Variants in UNC93A observed in about 807,000 individuals in gnomAD.
The protein encoded by UNC93A is unc-93 homolog A, also known as N-acetylglucosamine transporter UNC93A.
In UNC93A, 43 loss-of-function variants were observed where a neutral mutation model predicts 47.5. The ratio of observed to expected loss-of-function variants is 0.91; its 90% CI spans 0.71 to 1.17. The LOEUF (loss-of-function observed/expected upper bound fraction) is 1.17. Among genes scored for constraint, UNC93A ranks in the 50% most tolerant of loss-of-function variants. The pLI is 0.00. For missense variants in UNC93A, 605 were observed against 577.6 expected (o/e 1.05, Z -0.49); for synonymous variants, 280 against 258.0 (o/e 1.09, Z -0.82).
At chr6:167,284,570 T>C (rs1783689155) in intron 1 of UNC93A, among the ~76,000 whole-genome samples, 2 of 152,296 alleles carry the variant, frequency 1.3e-5, no homozygotes, top group South Asian at 4.1e-4. Flanking sequence ...CACACAGAGC[T>C]CACGTTGCCC....
chr6:167,307,666 G>A, intron 6 of UNC93A, 113 bp from the exon 7 acceptor site: 1 of 1,346,404 alleles, frequency 7.4e-7, no homozygotes, highest in Non-Finnish European at 1.0e-6. Context: ...GGTTCCAGAG[G>A]ACAGTTCCAG....
chr6:167,270,959 C>G (rs1317543935), upstream of UNC93A, among the ~76,000 whole-genome samples: 1 of 152,170 alleles, frequency 6.6e-6, no homozygotes, highest in Admixed American at 6.5e-5. Flanking sequence ...ATTCAGTTGT[C>G]CAGGAAGATA....
At chr6:167,308,159 A>T (rs1306279317) in intron 7 of UNC93A, among the ~76,000 whole-genome samples, 1 of 152,162 alleles carries the variant, frequency 6.6e-6, no homozygotes, top group Non-Finnish European at 1.5e-5. Context: ...CCTCAGGATG[A>T]TGTGGTTTTG....
intron 6 of UNC93A, among the ~76,000 whole-genome samples, chr6:167,306,881 A>G (rs370690938): frequency 6.6e-6 from 1 of 152,148 alleles, no homozygotes; most frequent in Non-Finnish European, 1.5e-5. Context: ...TTGAGCGTCA[A>G]TGGGCAGCCT....
intron 7 of UNC93A, among the ~76,000 whole-genome samples, chr6:167,309,115 A>G (rs1402820631): frequency 6.6e-6 from 1 of 152,066 alleles, no homozygotes; most frequent in Non-Finnish European, 1.5e-5. Flanking sequence ...AATCCCAGCT[A>G]CTCGGGAGGC....
intron 1 of UNC93A, 62 bp from the exon 2 acceptor site, chr6:167,294,455 G>A (rs1777989080): frequency 1.3e-6 from 2 of 1,579,172 alleles, no homozygotes; most frequent in East Asian, 2.3e-5. Flanking sequence ...CTGAGGACCT[G>A]CTGGTGCCTC....
chr6:167,279,717 G>A (rs981101241), intron 1 of UNC93A, among the ~76,000 whole-genome samples: 1 of 152,130 alleles, frequency 6.6e-6, no homozygotes, highest in Non-Finnish European at 1.5e-5. Context: ...ACAGAAAAAT[G>A]TGCGTATATT....
intron 1 of UNC93A, among the ~76,000 whole-genome samples, chr6:167,281,194 A>T (rs1251153384): frequency 6.6e-6 from 1 of 150,866 alleles, no homozygotes; most frequent in Non-Finnish European, 1.5e-5. Flanking sequence ...GCCCTAGAAG[A>T]TCATCCCACT....
At chr6:167,270,957 G>C (rs1197097980), upstream of UNC93A, among the ~76,000 whole-genome samples, 1 of 152,220 alleles carries the variant, frequency 6.6e-6, no homozygotes, top group Non-Finnish European at 1.5e-5. Flanking sequence ...GAATTCAGTT[G>C]TCCAGGAAGA....
intron 4 of UNC93A, chr6:167,298,353 T>C: frequency 4.1e-6 from 1 of 245,322 alleles, no homozygotes; most frequent in Non-Finnish European, 7.7e-6. Context: ...ACATCTTAAC[T>C]GATTAAAGTT....
At position 167,291,514 on chromosome 6, in the gene UNC93A, C is replaced by G; in HGVS notation, c.25C>G (p.Leu9Val). ...AATGGACAGAAGTCTAAGGAACGTC[C>G]TTGTGGTTTCCTTTGGGTTCCTGCT... MDRSLRNV[L>V]VVSFGFLLLF... The change falls in exon 1 of 8, where the codon CTT becomes GTT. Residue 9 changes from leucine (L) to valine (V), a missense_variant. Physicochemically the swap from Leu to Val is conservative, Grantham distance 32 (BLOSUM62 1). Coordinates refer to ENST00000230256, the MANE Select transcript of UNC93A (RefSeq NM_018974.4). The G allele has an allele frequency of 6.2e-7, 1 of 1,613,900 alleles. No homozygotes were observed. Among genetic ancestry groups the G allele is most frequent in the Non-Finnish European group, 8.5e-7 (1 of 1,179,896 alleles).
Position 167,312,472 on chromosome 6 carries a change from G to A in UNC93A, c.1109-2715G>A, listed in dbSNP as rs558611455. Among the ~76,000 whole-genome samples the A allele has an allele frequency of 1.4e-4, 22 of 152,276 alleles. No individual in the cohort carries two copies. The South Asian group carries it at 4.6e-3, about 32-fold the overall frequency. On this transcript the variant is annotated intron_variant, in intron 7 of 7. Coordinates refer to ENST00000230256, the MANE Select transcript of UNC93A (RefSeq NM_018974.4). ...TAAAAAACGCCTGTCCCTTCTCCCC[G>A]ATGTATTTATTACTCAATCATTGAT...
intron 1 of UNC93A, among the ~76,000 whole-genome samples, chr6:167,279,266 GAGAA>G (rs1449977621): frequency 2.0e-5 from 3 of 152,266 alleles, no homozygotes; most frequent in African/African-American, 7.2e-5. Flanking sequence ...GATAGATAGA[GAGAA>G]AGAGAGAGGG....
chr6:167,280,274 A>T (rs113547334), intron 1 of UNC93A, among the ~76,000 whole-genome samples: 5,894 of 152,244 alleles, frequency 0.039, 189 homozygotes, highest in African/African-American at 0.076. Flanking sequence ...GGTGCCTTCA[A>T]ATCCTTTGTA....
At chr6:167,307,016 C>G (rs1209154770) in intron 6 of UNC93A, among the ~76,000 whole-genome samples, 2 of 152,300 alleles carry the variant, frequency 1.3e-5, no homozygotes, top group East Asian at 1.9e-4. Flanking sequence ...TGGCCTCCTC[C>G]CTTTTGTCCC....
chr6:167,287,449 C>A (rs1464944109), upstream of UNC93A, among the ~76,000 whole-genome samples: 1 of 152,138 alleles, frequency 6.6e-6, no homozygotes, highest in Non-Finnish European at 1.5e-5. Context: ...AATTTCAGTT[C>A]TCTATTTTGC....
intron 3 of UNC93A, among the ~76,000 whole-genome samples, chr6:167,297,507 C>T (rs530016205): frequency 3.3e-5 from 5 of 152,244 alleles, no homozygotes; most frequent in Middle Eastern, 3.4e-3. Context: ...TTTTCAAAAA[C>T]AGAAAAGTTA....
chr6:167,294,969 G>A (rs944440429), intron 2 of UNC93A, among the ~76,000 whole-genome samples: 1 of 152,108 alleles, frequency 6.6e-6, no homozygotes, highest in Non-Finnish European at 1.5e-5. Context: ...GATCCGTCCT[G>A]GTCCTCAGCT....
intron 4 of UNC93A, among the ~76,000 whole-genome samples, chr6:167,298,822 T>G (rs2003657): frequency 1.3e-5 from 2 of 150,550 alleles, no homozygotes; most frequent in Non-Finnish European, 3.0e-5. Flanking sequence ...ATTTAAATAT[T>G]TTTTTTTTTG....
Sources: allele counts gnomAD v4.1 joint callset (sites outside exome capture counted in the v4.1 genomes callset), GRCh38; gene constraint gnomAD v4.1.1; transcripts MANE v1.5; gene names NCBI Gene and HGNC (gene_info 2026-07-23, HGNC 2026-07-21).